TMPRSS11D: variants seen among roughly 807,000 people sequenced by gnomAD.
TMPRSS11D encodes transmembrane serine protease 11D, also known as transmembrane protease serine 11D.
A neutral mutation model predicts 44.4 loss-of-function variants in TMPRSS11D; 32 were observed. The ratio of observed to expected loss-of-function variants is 0.72; its 90% confidence interval spans 0.54 to 0.97. The LOEUF is 0.97. TMPRSS11D is among the 50% of genes least tolerant of loss of function. TMPRSS11D has a pLI of 0.00. For synonymous variants in TMPRSS11D, 179 were observed against 177.9 expected, an observed-to-expected ratio of 1.01 and a Z score of -0.05; for missense variants, 446 against 502.6, an observed-to-expected ratio of 0.89 and a Z score of 1.08.
chr4:67,853,716 G>A (rs750338008), intron 3 of TMPRSS11D, among the ~76,000 whole-genome samples: 6 of 152,172 alleles, frequency 3.9e-5, no homozygotes, highest in Admixed American at 1.3e-4. Context: ...CCTGCTTTGC[G>A]TCTTTAGTTG....
intron 1 of TMPRSS11D, among the ~76,000 whole-genome samples, chr4:67,866,709 C>T (rs964225631): frequency 6.6e-6 from 1 of 151,270 alleles, no homozygotes; most frequent in Non-Finnish European, 1.5e-5. Context: ...AGCTGAGAAC[C>T]AAATCAAGAA....
At chr4:67,868,419 C>T (rs907705867) in intron 1 of TMPRSS11D, among the ~76,000 whole-genome samples, 2 of 152,152 alleles carry the variant, frequency 1.3e-5, no homozygotes, top group Admixed American at 6.6e-5. Context: ...AACAAAACTG[C>T]ACTACTACCC....
chr4:67,882,169 T>TA (rs1013663810), intron 1 of TMPRSS11D, among the ~76,000 whole-genome samples: 4 of 152,034 alleles, frequency 2.6e-5, no homozygotes, highest in African/African-American at 9.7e-5. Context: ...TAATTTTTTA[T>TA]AAAAAAAGCA....
intron 7 of TMPRSS11D, among the ~76,000 whole-genome samples, chr4:67,832,444 T>G (rs1041704083): frequency 1.3e-5 from 2 of 152,048 alleles, no homozygotes; most frequent in Non-Finnish European, 2.9e-5. Context: ...CTTTTCTTTT[T>G]ACCAATAAGG....
intron 9 of TMPRSS11D, among the ~76,000 whole-genome samples, chr4:67,823,870 A>C (rs940318594): frequency 5.9e-5 from 9 of 152,036 alleles, no homozygotes; most frequent in Non-Finnish European, 1.2e-4. Context: ...TGTCTGACCA[A>C]ATGTGGGCAA....
chr4:67,873,766 G>A (rs993629361), intron 1 of TMPRSS11D, among the ~76,000 whole-genome samples: 4 of 152,032 alleles, frequency 2.6e-5, no homozygotes, highest in African/African-American at 9.7e-5. Flanking sequence ...GTGTAGCAAG[G>A]GTTCTAGATA....
intron 3 of TMPRSS11D, among the ~76,000 whole-genome samples, chr4:67,846,449 C>T (rs1268337528): frequency 6.6e-6 from 1 of 151,764 alleles, no homozygotes; most frequent in Non-Finnish European, 1.5e-5. Flanking sequence ...TAAAATGGTT[C>T]AAAGGTCTGA....
intron 7 of TMPRSS11D, among the ~76,000 whole-genome samples, chr4:67,831,913 C>T (rs1014245778): frequency 2.0e-5 from 3 of 151,884 alleles, no homozygotes; most frequent in Non-Finnish European, 2.9e-5. Context: ...CAGTAACTAC[C>T]CTAGTCTTTT....
In TMPRSS11D at chr4:67,841,965, G is replaced by A. The variant is rs540092694; in HGVS notation, c.317+593C>T. Among the ~76,000 whole-genome samples, 14 of 152,294 alleles carry A rather than the reference G, an allele frequency of 9.2e-5. No individual in the cohort carries two copies. In the South Asian group the frequency reaches 2.7e-3, roughly 29 times the overall value. ...GTGGTCATTTGAGACATTTGCGGGA[G>A]AGTCAGTAAAGGTGACTATTTCAGT... On this transcript the variant is annotated intron_variant, in intron 4 of 9. Coordinates refer to ENST00000283916, the MANE Select transcript of TMPRSS11D (RefSeq NM_004262.3).
chr4:67,845,774 C>A (rs1489970686), intron 3 of TMPRSS11D, among the ~76,000 whole-genome samples: 5 of 152,072 alleles, frequency 3.3e-5, no homozygotes, highest in Admixed American at 2.6e-4. Flanking sequence ...AGTCTAGAAT[C>A]CTTAATATCC....
chr4:67,865,608 A>T (rs1718907126), intron 1 of TMPRSS11D, among the ~76,000 whole-genome samples: 1 of 151,816 alleles, frequency 6.6e-6, no homozygotes, highest in Admixed American at 6.6e-5. Flanking sequence ...AAAAGTGCAG[A>T]TTCAAATAAA....
At chr4:67,825,602 G>T (rs2109656014) in intron 9 of TMPRSS11D, 130 bp downstream of exon 9, 1 of 1,037,662 alleles carries the variant, frequency 9.6e-7, no homozygotes, top group Non-Finnish European at 1.3e-6. Context: ...CTAAAATCTA[G>T]ATTATAAATT....
intron 2 of TMPRSS11D, among the ~76,000 whole-genome samples, chr4:67,856,519 A>G (rs67602611): frequency 0.24 from 36,879 of 152,122 alleles, 4,897 homozygotes; most frequent in East Asian, 0.36. Flanking sequence ...ACTTAAAACT[A>G]TGGGAACTAT....
chr4:67,870,658 C>T (rs530619783), intron 1 of TMPRSS11D, among the ~76,000 whole-genome samples: 107 of 151,952 alleles, frequency 7.0e-4, no homozygotes, highest in African/African-American at 2.4e-3. Flanking sequence ...ACTAAAAATA[C>T]AAAAAATTAG....
At chr4:67,830,527 T>C (rs995585579) in intron 7 of TMPRSS11D, among the ~76,000 whole-genome samples, 1 of 151,974 alleles carries the variant, frequency 6.6e-6, no homozygotes, top group Non-Finnish European at 1.5e-5. Context: ...TGACCGGAAA[T>C]ACTTTTATAA....
At chr4:67,839,165 T>C (rs1345912624) in intron 4 of TMPRSS11D, 1 of 152,260 alleles carries the variant, frequency 6.6e-6, no homozygotes, top group East Asian at 1.9e-4. Flanking sequence ...ATTCCAGATA[T>C]GAATTTAATA....
At chr4:67,838,721 C>G (rs748913396) in intron 4 of TMPRSS11D, among the ~76,000 whole-genome samples, 2 of 152,034 alleles carry the variant, frequency 1.3e-5, no homozygotes, top group Non-Finnish European at 2.9e-5. Flanking sequence ...AATAAGTGTA[C>G]TATAAATTTT....
intron 1 of TMPRSS11D, among the ~76,000 whole-genome samples, chr4:67,870,323 C>T (rs1446474951): frequency 6.6e-6 from 1 of 152,148 alleles, no homozygotes; most frequent in Non-Finnish European, 1.5e-5. Flanking sequence ...ACCTCCATAT[C>T]CTATTCCAGA....
At chr4:67,838,115 A>T in intron 5 of TMPRSS11D, 57 bp downstream of exon 5, 1 of 1,351,404 alleles carries the variant, frequency 7.4e-7, no homozygotes, top group Non-Finnish European at 9.8e-7. Flanking sequence ...ATGAATTTGA[A>T]TTGGTAAACT....
Sources: gnomAD v4.1 joint callset for allele counts (sites outside exome capture counted in the v4.1 genomes callset) on GRCh38, gnomAD v4.1.1 for gene constraint, MANE v1.5 for transcripts, NCBI Gene and HGNC (gene_info 2026-07-23, HGNC 2026-07-21) for gene names.